TSPAN32: variants seen among roughly 807,000 people sequenced by gnomAD.
TSPAN32 encodes tetraspanin 32.
TSPAN32 carries 47 observed loss-of-function variants against 42.7 expected under a neutral mutation model. That is an observed-to-expected ratio of 1.10 (90% CI 0.87 to 1.40). The LOEUF (loss-of-function observed/expected upper bound fraction) is 1.40. TSPAN32 is among the 40% of genes most tolerant of loss of function. The pLI is 0.00. For missense variants in TSPAN32, 469 were observed against 424.1 expected, an observed-to-expected ratio of 1.11 and a Z score of -0.93; for synonymous variants, 175 against 175.9, an observed-to-expected ratio of 0.99 and a Z score of 0.04.
At position 2,317,588 on chromosome 11, in the gene TSPAN32, AG is replaced by A. The variant is rs897241180; in HGVS notation, c.901+66del. On this transcript the variant is annotated intron_variant, in intron 9 of 9. Coordinates refer to ENST00000182290, the MANE Select transcript of TSPAN32 (RefSeq NM_139022.3). This position sits in a 1 kb window ranked among gnomAD's most constrained non-coding sequence, Gnocchi z 6.2. ...TGAGGGGAGGGTCCGAGCTGTGAGG[AG>A]GGAAGGGAGTGAAGGCCCAGCCAGA... The A allele has an allele frequency of 6.6e-7, 1 of 1,518,116 alleles. No individual in the cohort carries two copies. The highest frequency in any genetic ancestry group is 1.4e-5 in the African/African-American group (1 of 72,408). 94.0% of individuals were successfully genotyped at this position (1,518,116 alleles called of 1,614,324 possible). A position where few individuals can be genotyped will look rare whatever the true frequency, so the allele number is the denominator to read the frequency against.
intron 2 of TSPAN32, chr11:2,303,382 G>A: frequency 9.4e-6 from 2 of 212,250 alleles, no homozygotes; most frequent in South Asian, 1.0e-4. Flanking sequence ...GGGGGTGGGG[G>A]CTGCTCTAGC....
chr11:2,316,454 G>A (rs1297229577), intron 7 of TSPAN32, 122 bp from the exon 8 acceptor site: 2 of 1,563,336 alleles, frequency 1.3e-6, no homozygotes, highest in Non-Finnish European at 1.7e-6. Flanking sequence ...AGCTGCTCTG[G>A]TGTGACAGGG....
At chr11:2,311,687 C>A (rs975495139) in intron 4 of TSPAN32, among the ~76,000 whole-genome samples, 1 of 152,178 alleles carries the variant, frequency 6.6e-6, no homozygotes, top group African/African-American at 2.4e-5. Flanking sequence ...AGGATGGGGT[C>A]GCCAAGCCCA....
intron 6 of TSPAN32, chr11:2,315,081 C>T (rs548553750): frequency 9.1e-5 from 33 of 361,074 alleles, no homozygotes; most frequent in African/African-American, 7.5e-4. Context: ...GAGCGGGGCC[C>T]GAGGCCAGGA....
At chr11:2,315,811 C>T in intron 6 of TSPAN32, 1 of 1,328,590 alleles carries the variant, frequency 7.5e-7, no homozygotes, top group African/African-American at 1.5e-5. Flanking sequence ...CCCCCTCACA[C>T]CCCTCCACCA....
At chr11:2,308,868 C>A in intron 4 of TSPAN32, 58 bp downstream of exon 4, 1 of 1,184,182 alleles carries the variant, frequency 8.4e-7, no homozygotes, top group Non-Finnish European at 1.2e-6. Flanking sequence ...CCAGTGGGCA[C>A]CTGGGGACTG....
intron 3 of TSPAN32, among the ~76,000 whole-genome samples, chr11:2,307,603 C>T (rs946390568): frequency 6.6e-6 from 1 of 152,208 alleles, no homozygotes; most frequent in South Asian, 2.1e-4. Flanking sequence ...ATCCATAAAA[C>T]TGTATCGGGG....
At position 2,313,663 on chromosome 11, in the gene TSPAN32, G is replaced by A. The variant is rs2234301; in HGVS notation, c.364G>A (p.Ala122Thr). ...TGGTCTCTCGGTGCAGGTGGAGGACGCCATGCTGGACACCTACGACCTGGT... is the reference window on the plus strand; with the variant it reads ...TGGTCTCTCGGTGCAGGTGGAGGACACCATGCTGGACACCTACGACCTGGT... ...RLHSPTQVEDAMLDTYDLVYE... is the reference protein window; with the variant it reads ...RLHSPTQVEDTMLDTYDLVYE... Residue 122 changes from alanine (A) to threonine (T), a missense_variant, in exon 5 of 10, where the codon GCC (alanine) becomes ACC (threonine). Transcript: ENST00000182290. This position sits in a 1 kb window ranked among gnomAD's most constrained non-coding sequence, Gnocchi z 9.1. The A allele has an allele frequency of 1.9e-3, 2,980 of 1,604,692 alleles. 67 individuals are homozygous for A. In the East Asian group the frequency reaches 0.057, roughly 31 times the overall value.
In TSPAN32 at chr11:2,317,298, C is replaced by G. The variant is rs1235994457; in HGVS notation, c.720-46C>G. 5 of 1,475,978 alleles carry G rather than the reference C, an allele frequency of 3.4e-6. No homozygotes were observed. Among genetic ancestry groups the G allele is most frequent in the Non-Finnish European group, 4.6e-6 (5 of 1,078,596 alleles). 91.4% of individuals were successfully genotyped at this position (1,475,978 alleles called of 1,614,324 possible). ...CATTCCACAATAGCCTCACAGGTCC[C>G]CTGTAGAACATTCCACCACAGCCCC... On this transcript the variant is annotated intron_variant, in intron 8 of 9. Coordinates refer to ENST00000182290, the MANE Select transcript of TSPAN32 (RefSeq NM_139022.3). This position sits in a 1 kb window ranked among gnomAD's most constrained non-coding sequence, Gnocchi z 6.2.
At chr11:2,306,771 G>T (rs1442546460) in intron 3 of TSPAN32, among the ~76,000 whole-genome samples, 3 of 137,618 alleles carry the variant, frequency 2.2e-5, no homozygotes, top group Non-Finnish European at 4.7e-5. Context: ...GAGAAGGAGG[G>T]AGAAAGAGGG....
In TSPAN32 at chr11:2,302,143, A is replaced by C; in HGVS notation, c.-7A>C. Reference sequence around the variant, plus strand: ...GGAGGGGAGGAGAGGAGAGGAGAGGAACCGTCATGGGGCCTTGGAGTCGAG... The same window carrying C: ...GGAGGGGAGGAGAGGAGAGGAGAGGCACCGTCATGGGGCCTTGGAGTCGAG... On this transcript the variant is annotated 5_prime_UTR_variant, in exon 1 of 10. Transcript: ENST00000182290. 6.8e-7 allele frequency: 1 copy of C among 1,468,798 alleles called. No homozygotes were observed. Among genetic ancestry groups the C allele is most frequent in the Non-Finnish European group, 9.0e-7 (1 of 1,109,454 alleles). 91.0% of individuals were successfully genotyped at this position (1,468,798 alleles called of 1,614,324 possible).
chr11:2,302,881 C>G lies in TSPAN32; in HGVS notation c.104C>G (p.Thr35Ser). ...TCTGTGGCCACCATGGTGACTCTTA[C>G]CTACTTCGGGGCCCACTTTGCTGTC... ...GLSVATMVTLTYFGAHFAVIR... is the reference protein window; with the variant it reads ...GLSVATMVTLSYFGAHFAVIR... Residue 35 changes from threonine to serine, a missense_variant, in exon 2 of 10, where the codon ACC becomes AGC. Thr to Ser is a moderately conservative substitution (Grantham distance 58, BLOSUM62 1). Transcript: ENST00000182290. 6.2e-7 allele frequency: 1 copy of G among 1,613,676 alleles called. No individual in the cohort carries two copies. The highest frequency in any genetic ancestry group is 8.5e-7 in the Non-Finnish European group (1 of 1,179,842).
rs1458350311 is a variant in TSPAN32, at chr11:2,313,486, C to G, written c.355-168C>G. ...GTTGGGAAGCACTGTGACTGGCTGC[C>G]CAGGGACCCAGGTTCCGCTTTGGGG... On this transcript the variant is annotated intron_variant, in intron 4 of 9. Coordinates refer to ENST00000182290, the MANE Select transcript of TSPAN32 (RefSeq NM_139022.3). This position sits in a 1 kb window ranked among gnomAD's most constrained non-coding sequence, Gnocchi z 9.1. Among the ~76,000 whole-genome samples the G allele has an allele frequency of 6.6e-6, 1 of 152,170 alleles. No individual in the cohort carries two copies. Among genetic ancestry groups the G allele is most frequent in the African/African-American group, 2.4e-5 (1 of 41,428 alleles).
At position 2,304,260 on chromosome 11, in the gene TSPAN32, T is replaced by G. The variant is rs113416293; in HGVS notation, c.279+56T>G. 4.0e-5 allele frequency: 52 copies of G among 1,310,130 alleles called. No individual in the cohort carries two copies. The highest frequency in any genetic ancestry group is 3.7e-4 in the African/African-American group (25 of 66,990). 81.2% of individuals were successfully genotyped at this position (1,310,130 alleles called of 1,614,324 possible). A position where few individuals can be genotyped will look rare whatever the true frequency, so the allele number is the denominator to read the frequency against. On this transcript the variant is annotated intron_variant, in intron 3 of 9. Coordinates refer to ENST00000182290, the MANE Select transcript of TSPAN32 (RefSeq NM_139022.3). This position sits in a 1 kb window ranked among gnomAD's most constrained non-coding sequence, Gnocchi z 4.8. The stretch of plus-strand genomic sequence containing the variant: ...CCCCCAGAAAAGAATTAGAAAGGAG[T>G]GAAGAGCTGGCAGGGCTGTGTGCCA...
chr11:2,305,268 T>C (rs986772075), intron 3 of TSPAN32, among the ~76,000 whole-genome samples: 1 of 151,710 alleles, frequency 6.6e-6, no homozygotes, highest in African/African-American at 2.4e-5. Context: ...GGATTCCTGC[T>C]CCGGGGCACA....
At chr11:2,303,006 A>C in intron 2 of TSPAN32, 48 bp downstream of exon 2, 6 of 1,546,354 alleles carry the variant, frequency 3.9e-6, no homozygotes, top group Non-Finnish European at 5.3e-6. Flanking sequence ...CTCGGGTGCA[A>C]GGGTGGCTGG....
chr11:2,306,853 G>C (rs1216252294), intron 3 of TSPAN32: 1 of 93,098 alleles, frequency 1.1e-5, no homozygotes, highest in African/African-American at 4.4e-5. Flanking sequence ...GAGGGAGGGG[G>C]AGGGGGGAGA....
At chr11:2,312,288 C>T (rs1197637078) in intron 4 of TSPAN32, among the ~76,000 whole-genome samples, 1 of 152,190 alleles carries the variant, frequency 6.6e-6, no homozygotes, top group African/African-American at 2.4e-5. Flanking sequence ...GCCTCCAGTC[C>T]TCACCAGGAC....
intron 6 of TSPAN32, chr11:2,315,182 T>G: frequency 8.5e-5 from 25 of 295,306 alleles, no homozygotes; most frequent in Non-Finnish European, 1.2e-4. Flanking sequence ...CCCTGCCCCC[T>G]CCCTGCTCCC....
Sources: allele counts gnomAD v4.1 joint callset (sites outside exome capture counted in the v4.1 genomes callset), GRCh38; gene constraint gnomAD v4.1.1; non-coding constraint Gnocchi (gnomAD v3.1); transcripts MANE v1.5; gene names NCBI Gene and HGNC (gene_info 2026-07-23, HGNC 2026-07-21).